Variants in RAD51B observed in about 807,000 individuals in gnomAD.
RAD51B encodes the protein DNA repair protein RAD51 homolog 2.
In RAD51B, 38 loss-of-function variants were observed where a neutral mutation model predicts 42.2. The ratio of observed to expected loss-of-function variants is 0.90; its 90% CI spans 0.70 to 1.18. The LOEUF (loss-of-function observed/expected upper bound fraction) is 1.18, where lower values mean the gene tolerates loss of function less well. Ranked by LOEUF, RAD51B falls within the 50% of genes most tolerant of loss-of-function variation. RAD51B has a pLI of 0.00. For missense variants in RAD51B, 373 were observed against 400.7 expected, an observed-to-expected ratio of 0.93 and a Z score of 0.59; for synonymous variants, 154 against 145.2, an observed-to-expected ratio of 1.06 and a Z score of -0.43.
intron 10 of RAD51B, among the ~76,000 whole-genome samples, chr14:68,608,078 G>C (rs1469637921): frequency 6.6e-6 from 1 of 152,194 alleles, no homozygotes; most frequent in Non-Finnish European, 1.5e-5. Context: ...GCTGAGGGCG[G>C]TAGGCCTGAG....
intron 10 of RAD51B, among the ~76,000 whole-genome samples, chr14:68,610,166 CTGTT>C (rs1256370120): frequency 5.3e-5 from 8 of 152,166 alleles, no homozygotes; most frequent in African/African-American, 1.7e-4. Context: ...CTCCTTGAGG[CTGTT>C]TGTCTCTTTC....
At chr14:68,521,292 T>G (rs749863805) in intron 10 of RAD51B, among the ~76,000 whole-genome samples, 4 of 152,166 alleles carry the variant, frequency 2.6e-5, no homozygotes, top group Non-Finnish European at 5.9e-5. Context: ...CCTCAGGACC[T>G]CCAGGTCCTG....
intron 10 of RAD51B, among the ~76,000 whole-genome samples, chr14:68,544,340 C>T (rs931124240): frequency 1.3e-5 from 2 of 152,226 alleles, no homozygotes; most frequent in African/African-American, 4.8e-5. Context: ...CCACTTACTA[C>T]AGTCCTCTGC....
chr14:68,101,152 A>G (rs917523099), intron 7 of RAD51B, among the ~76,000 whole-genome samples: 1 of 152,136 alleles, frequency 6.6e-6, no homozygotes, highest in African/African-American at 2.4e-5. Context: ...CCAAGATTCA[A>G]TTACCTCCCA....
chr14:68,235,462 T>G (rs1050472175), intron 7 of RAD51B, among the ~76,000 whole-genome samples: 5 of 151,808 alleles, frequency 3.3e-5, no homozygotes, highest in Admixed American at 3.3e-4. Context: ...CCCAGCACTT[T>G]GGGAGGCCGA....
chr14:68,480,748 G>A (rs1021263059), downstream of RAD51B, among the ~76,000 whole-genome samples: 3 of 152,088 alleles, frequency 2.0e-5, no homozygotes, highest in Non-Finnish European at 4.4e-5. Flanking sequence ...TCCCTCGCAG[G>A]GACTGCTGTC....
chr14:67,984,925 A>T (rs926130124), intron 7 of RAD51B, among the ~76,000 whole-genome samples: 10 of 152,348 alleles, frequency 6.6e-5, no homozygotes, highest in African/African-American at 2.4e-4. Flanking sequence ...ATTAAAATAC[A>T]TATGTTGAGG....
intron 10 of RAD51B, among the ~76,000 whole-genome samples, chr14:68,619,177 A>C (rs1891889111): frequency 6.6e-6 from 1 of 152,192 alleles, no homozygotes; most frequent in South Asian, 2.1e-4. Flanking sequence ...AGAATGAGTA[A>C]ATTAAAAAGT....
At chr14:68,431,609 A>AT (rs2085008657) in intron 9 of RAD51B, among the ~76,000 whole-genome samples, 3 of 151,960 alleles carry the variant, frequency 2.0e-5, no homozygotes, top group African/African-American at 7.3e-5. Flanking sequence ...CCCCTTTATC[A>AT]TTTTTTATTG....
chr14:68,352,442 A>G (rs984841308), intron 8 of RAD51B, among the ~76,000 whole-genome samples: 1 of 152,214 alleles, frequency 6.6e-6, no homozygotes, highest in African/African-American at 2.4e-5. Context: ...CACCTTACCA[A>G]TAGGTGGATT....
intron 7 of RAD51B, among the ~76,000 whole-genome samples, chr14:68,127,400 G>A (rs116033685): frequency 0.014 from 2,087 of 152,124 alleles, 21 homozygotes; most frequent in African/African-American, 0.019. Context: ...AAATTCCATG[G>A]GGATAGGACT....
rs564384034 is a variant in RAD51B, at chr14:67,855,625, T to C, written c.316-9378T>C. 7.9e-5 allele frequency among the ~76,000 whole-genome samples: 12 copies of C among 152,326 alleles called. No homozygotes were observed. The East Asian group carries it at 2.3e-3, about 29-fold the overall frequency. On this transcript the variant is annotated intron_variant, in intron 4 of 10. Coordinates refer to ENST00000471583, the MANE Select transcript of RAD51B (RefSeq NM_133510.4). ...ATAAGGCAGGGGTTGTAAACTCAAA[T>C]GCCTATAAGCACGAGCCATGTAACA...
At chr14:68,155,107 C>T (rs758454947) in intron 7 of RAD51B, among the ~76,000 whole-genome samples, 1 of 151,844 alleles carries the variant, frequency 6.6e-6, no homozygotes, top group Non-Finnish European at 1.5e-5. Flanking sequence ...GTACAAGCTA[C>T]TAGAATGGTA....
intron 7 of RAD51B, among the ~76,000 whole-genome samples, chr14:68,131,960 C>G (rs2077901424): frequency 6.6e-6 from 1 of 152,140 alleles, no homozygotes; most frequent in South Asian, 2.1e-4. Context: ...CAGTTAATAG[C>G]ATTTCTTATT....
At chr14:68,604,209 G>A (rs532218554) in intron 10 of RAD51B, among the ~76,000 whole-genome samples, 33 of 152,278 alleles carry the variant, frequency 2.2e-4, no homozygotes, top group Non-Finnish European at 4.4e-5. Flanking sequence ...GGTGGGGTGA[G>A]CCCAGAACAG....
At chr14:68,380,503 T>A (rs2083458774) in intron 8 of RAD51B, among the ~76,000 whole-genome samples, 1 of 152,222 alleles carries the variant, frequency 6.6e-6, no homozygotes, top group Non-Finnish European at 1.5e-5. Flanking sequence ...CCTCAGGATG[T>A]CAGTGTGTGT....
intron 10 of RAD51B, chr14:68,540,931 A>G (rs139923212): frequency 6.1e-6 from 6 of 985,472 alleles, no homozygotes; most frequent in Non-Finnish European, 7.2e-6. Context: ...AAAGAGAGGC[A>G]GGGCATGCTT....
chr14:68,640,505 C>A (rs1892437837), intron 10 of RAD51B, among the ~76,000 whole-genome samples: 2 of 152,144 alleles, frequency 1.3e-5, no homozygotes, highest in Non-Finnish European at 2.9e-5. Context: ...GGGCCAGGTG[C>A]CTTACTAGGT....
rs1396235940 is a variant in RAD51B, at chr14:68,522,292, GA to G, written c.1036+54043del. 2.6e-5 allele frequency among the ~76,000 whole-genome samples: 4 copies of G among 152,240 alleles called. No homozygotes were observed. The East Asian group carries it at 7.7e-4, about 29-fold the overall frequency. On this transcript the variant is annotated intron_variant, in intron 10 of 10. Transcript: ENST00000487270. ...AGCCCTGGTTGCTGATTACAGACAA[GA>G]TGGGAGTCATGTGGGGTGTCAGCTT...
Sources: gnomAD v4.1 joint callset for allele counts (sites outside exome capture counted in the v4.1 genomes callset) on GRCh38, gnomAD v4.1.1 for gene constraint, MANE v1.5 for transcripts, NCBI Gene and HGNC (gene_info 2026-07-23, HGNC 2026-07-21) for gene names.